TLN2: variants seen among roughly 807,000 people sequenced by gnomAD.
TLN2 encodes the protein talin 2.
Under a neutral mutation model 294.7 loss-of-function variants are expected in TLN2, and 118 were observed. The ratio of observed to expected loss-of-function variants is 0.40; its 90% CI spans 0.34 to 0.47. The LOEUF is 0.47. Among genes scored for constraint, TLN2 ranks in the 20% least tolerant of loss-of-function variants. The probability of loss-of-function intolerance (pLI) is 0.84; values close to 1 mark genes in which losing one functional copy is unlikely to be tolerated. For missense variants in TLN2, 3,083 were observed against 3,282.2 expected (o/e 0.94, Z 1.48); for synonymous variants, 1,431 against 1,304.5 (o/e 1.10, Z -2.09).
At chr15:62,730,945 A>T (rs2060692660) in intron 28 of TLN2, among the ~76,000 whole-genome samples, 1 of 152,142 alleles carries the variant, frequency 6.6e-6, no homozygotes, top group African/African-American at 2.4e-5. Flanking sequence ...AAATCATTTC[A>T]CAGTGTTTCC....
At chr15:62,789,872 A>C (rs1260793956) in intron 45 of TLN2, among the ~76,000 whole-genome samples, 1 of 152,308 alleles carries the variant, frequency 6.6e-6, no homozygotes, top group Middle Eastern at 3.4e-3. Flanking sequence ...TATTGTAGAA[A>C]CTGTTAGGAA....
chr15:62,824,776 T>C (rs1000237952), intron 54 of TLN2, among the ~76,000 whole-genome samples: 8 of 152,198 alleles, frequency 5.3e-5, no homozygotes. Flanking sequence ...ATAACAGCCT[T>C]CTTTGGTTGG....
chr15:62,637,199 T>A (rs1190474479), intron 3 of TLN2: 2 of 152,222 alleles, frequency 1.3e-5, no homozygotes, highest in Non-Finnish European at 2.9e-5. Flanking sequence ...TTCACTTTTA[T>A]TTTTCTTCTA....
chr15:62,712,442 G>C (rs1380421714), intron 22 of TLN2, among the ~76,000 whole-genome samples: 1 of 152,130 alleles, frequency 6.6e-6, no homozygotes, highest in African/African-American at 2.4e-5. Context: ...TGTTACTTTT[G>C]CCCTCCATTT....
chr15:62,695,109 C>G (rs1054660331), intron 14 of TLN2, among the ~76,000 whole-genome samples: 9 of 152,058 alleles, frequency 5.9e-5, no homozygotes, highest in Non-Finnish European at 1.2e-4. Context: ...TAATTTAGCC[C>G]CATTTATAGA....
At chr15:62,550,698 AT>A (rs1211678277) in intron 1 of TLN2, among the ~76,000 whole-genome samples, 1 of 152,058 alleles carries the variant, frequency 6.6e-6, no homozygotes, top group Admixed American at 6.6e-5. Context: ...GGACATTTTA[AT>A]TTCTTCCCTT....
chr15:62,615,471 G>C (rs1355651456), intron 2 of TLN2, among the ~76,000 whole-genome samples: 3 of 152,200 alleles, frequency 2.0e-5, no homozygotes, highest in African/African-American at 7.2e-5. Context: ...TGGCAAATTG[G>C]TTAAGCAGAG....
intron 1 of TLN2, among the ~76,000 whole-genome samples, chr15:62,465,178 A>T (rs547067054): frequency 8.3e-6 from 1 of 120,792 alleles, no homozygotes; most frequent in Non-Finnish European, 1.6e-5. Flanking sequence ...TAGTTCTTCT[A>T]CTTGGCAGCA....
intron 1 of TLN2, among the ~76,000 whole-genome samples, chr15:62,546,294 G>A (rs945046558): frequency 2.6e-5 from 4 of 152,200 alleles, no homozygotes; most frequent in African/African-American, 9.7e-5. Flanking sequence ...CTCCAGACAA[G>A]TGAGCTGGGG....
rs186090452 is a variant in TLN2 at position 62,488,888 on chromosome 15, C to T, written c.-238+98203C>T. On this transcript the variant is annotated intron_variant, in intron 1 of 58. Transcript: ENST00000636159. ...GTTAAATATATAAATATAGGCCAGG[C>T]GCAGTGGCTCACGCCTGTAATCGCA... 1.6e-4 allele frequency among the ~76,000 whole-genome samples: 24 copies of T among 152,244 alleles called. No homozygotes were observed. In the East Asian group the frequency reaches 3.7e-3, roughly 23 times the overall value.
chr15:62,560,237 GTGTTTTTTTGTT>G (rs1567099237), intron 1 of TLN2, among the ~76,000 whole-genome samples: 2 of 152,082 alleles, frequency 1.3e-5, no homozygotes, highest in African/African-American at 4.8e-5. Context: ...CTAATACTCC[GTGTTTTTTTGTT>G]TGTTTTTTTG....
chr15:62,637,529 T>A (rs529360550), intron 3 of TLN2: 1 of 152,312 alleles, frequency 6.6e-6, no homozygotes, highest in East Asian at 1.9e-4. Context: ...AGGCCAGGAA[T>A]TCATGTATCT....
At chr15:62,532,917 A>G (rs977690426) in intron 1 of TLN2, among the ~76,000 whole-genome samples, 29 of 152,120 alleles carry the variant, frequency 1.9e-4, no homozygotes, top group African/African-American at 6.3e-4. Flanking sequence ...TTAGCTTCAA[A>G]TTTTTATGTG....
intron 1 of TLN2, among the ~76,000 whole-genome samples, chr15:62,416,734 A>G (rs562478091): frequency 1.6e-4 from 24 of 152,288 alleles, no homozygotes; most frequent in Non-Finnish European, 3.1e-4. Flanking sequence ...CCCTTTGCCC[A>G]GAGGAGGGTG....
At chr15:62,603,346 C>T (rs1022259539) in intron 2 of TLN2, among the ~76,000 whole-genome samples, 1 of 152,088 alleles carries the variant, frequency 6.6e-6, no homozygotes, top group Non-Finnish European at 1.5e-5. Flanking sequence ...ATCTCCTTCC[C>T]TTCTTAGTTA....
At chr15:62,520,101 G>T (rs1212473508) in intron 1 of TLN2, among the ~76,000 whole-genome samples, 2 of 152,260 alleles carry the variant, frequency 1.3e-5, no homozygotes, top group African/African-American at 4.8e-5. Context: ...ACAGTATTGG[G>T]GAAACCACCA....
chr15:62,469,084 G>T (rs943423576), intron 1 of TLN2, among the ~76,000 whole-genome samples: 2 of 152,188 alleles, frequency 1.3e-5, no homozygotes, highest in Admixed American at 6.5e-5. Flanking sequence ...GTTTTTCTTT[G>T]TCTTTTCTTG....
chr15:62,695,885 C>G (rs935546480), intron 14 of TLN2, among the ~76,000 whole-genome samples: 20 of 152,152 alleles, frequency 1.3e-4, no homozygotes, highest in African/African-American at 3.9e-4. Context: ...TAGGAGCGGC[C>G]CAGTAAGTGT....
At chr15:62,451,604 C>T (rs957525537) in intron 1 of TLN2, among the ~76,000 whole-genome samples, 6 of 152,210 alleles carry the variant, frequency 3.9e-5, no homozygotes, top group Admixed American at 6.5e-5. Context: ...TGCAGTGAGC[C>T]GAGATTGTGC....
Sources: allele counts gnomAD v4.1 joint callset (sites outside exome capture counted in the v4.1 genomes callset), GRCh38; gene constraint gnomAD v4.1.1; transcripts MANE v1.5; gene names NCBI Gene and HGNC (gene_info 2026-07-23, HGNC 2026-07-21).